The following ZDHHC2 variants were observed in gnomAD, a reference collection of about 807,000 sequenced individuals.
The protein encoded by ZDHHC2 is palmitoyltransferase ZDHHC2.
In ZDHHC2, 51 loss-of-function variants were observed where a neutral mutation model predicts 55.6. The ratio of observed to expected loss-of-function variants is 0.92; its 90% CI spans 0.73 to 1.16. The LOEUF (loss-of-function observed/expected upper bound fraction) is 1.16, where lower values mean the gene tolerates loss of function less well. ZDHHC2 is among the 50% of genes most tolerant of loss of function. ZDHHC2 has a pLI of 0.00. For synonymous variants in ZDHHC2, 199 were observed against 152.9 expected, an observed-to-expected ratio of 1.30 and a Z score of -2.22; for missense variants, 491 against 442.4, an observed-to-expected ratio of 1.11 and a Z score of -0.99.
chr8:17,176,301 G>A (rs1805128577), intron 1 of ZDHHC2, among the ~76,000 whole-genome samples: 1 of 152,082 alleles, frequency 6.6e-6, no homozygotes, highest in Admixed American at 6.5e-5. Context: ...TGAAAACCCT[G>A]TGTTTGGAAT....
intron 1 of ZDHHC2, among the ~76,000 whole-genome samples, chr8:17,170,555 G>A (rs1804810019): frequency 6.6e-6 from 1 of 152,142 alleles, no homozygotes; most frequent in African/African-American, 2.4e-5. Flanking sequence ...TGGTCATATA[G>A]TACTCAACAT....
chr8:17,166,229 C>T (rs769305115), intron 1 of ZDHHC2, among the ~76,000 whole-genome samples: 4 of 152,100 alleles, frequency 2.6e-5, no homozygotes, highest in South Asian at 2.1e-4. Flanking sequence ...GAAACCGTGG[C>T]GTGGGCACTG....
At position 17,221,987 on chromosome 8, in the gene ZDHHC2, T is replaced by G. The variant is rs1464323813; in HGVS notation, c.*1766T>G. The G allele has an allele frequency of 4.7e-5, 7 of 150,112 alleles. No individual in the cohort carries two copies. The highest frequency in any genetic ancestry group is 2.0e-4 in the Admixed American group (3 of 15,026). 9.3% of individuals were successfully genotyped at this position (150,112 alleles called of 1,614,324 possible). The stretch of plus-strand genomic sequence containing the variant: ...TTATATGAAGTCAGGTTTGTTTTTT[T>G]TTTTTTTTTTTTTTCAAAGCACAGT... On this transcript the variant is annotated 3_prime_UTR_variant, in exon 13 of 13. Coordinates refer to ENST00000262096, the MANE Select transcript of ZDHHC2 (RefSeq NM_016353.5).
At chr8:17,184,371 CT>C (rs1373432223) in intron 1 of ZDHHC2, among the ~76,000 whole-genome samples, 3 of 152,204 alleles carry the variant, frequency 2.0e-5, no homozygotes, top group African/African-American at 7.2e-5. Context: ...ACATTTTATT[CT>C]TTGTGGAAAG....
Position 17,208,028 on chromosome 8 carries a change from T to C in ZDHHC2, c.666T>C (p.Ser222=). ...TATTCTTTGCTGCAGCTATGTTTTC[T>C]GTCAGCTTGTCTTCTCTGTTTGGCT... ...MFLFFAAAMF[S]VSLSSLFGYH... The change falls in exon 8 of 13, where the codon TCT becomes TCC. Residue 222 remains serine, a synonymous_variant. Transcript: ENST00000262096. 6.3e-7 allele frequency: 1 copy of C among 1,595,160 alleles called. No homozygotes were observed. Among genetic ancestry groups the C allele is most frequent in the Non-Finnish European group, 8.5e-7 (1 of 1,169,656 alleles).
chr8:17,210,356 G>T, intron 9 of ZDHHC2, 32 bp from the exon 10 acceptor site: 1 of 1,591,518 alleles, frequency 6.3e-7, no homozygotes. Context: ...TCTTTTGTAT[G>T]GTTCAGTTCT....
chr8:17,195,428 T>C, intron 3 of ZDHHC2, 76 bp from the exon 4 acceptor site: 1 of 1,457,210 alleles, frequency 6.9e-7, no homozygotes, highest in Admixed American at 2.2e-5. Context: ...AATACCCTTT[T>C]CCGGGTATGG....
At chr8:17,200,913 C>G (rs762789430) in intron 6 of ZDHHC2, among the ~76,000 whole-genome samples, 1 of 152,154 alleles carries the variant, frequency 6.6e-6, no homozygotes, top group Admixed American at 6.5e-5. Context: ...ACTTCCCTTG[C>G]GGCATCCACT....
intron 6 of ZDHHC2, among the ~76,000 whole-genome samples, chr8:17,204,992 A>G (rs2959618): frequency 0.51 from 77,309 of 151,936 alleles, 23,546 homozygotes; most frequent in Non-Finnish European, 0.7. Flanking sequence ...ATTTGGAATT[A>G]TAGCATATTT....
intron 1 of ZDHHC2, among the ~76,000 whole-genome samples, chr8:17,182,711 G>C (rs1426236965): frequency 6.6e-6 from 1 of 152,104 alleles, no homozygotes; most frequent in Non-Finnish European, 1.5e-5. Flanking sequence ...CAGGCTTATA[G>C]AGTAGTGGTC....
At chr8:17,214,915 A>G (rs1807572313) in intron 10 of ZDHHC2, among the ~76,000 whole-genome samples, 1 of 152,152 alleles carries the variant, frequency 6.6e-6, no homozygotes, top group Non-Finnish European at 1.5e-5. Flanking sequence ...CATACATAAA[A>G]TTGATAATAA....
chr8:17,157,474 G>T (rs1299705600), intron 1 of ZDHHC2: 1 of 152,252 alleles, frequency 6.6e-6, no homozygotes, highest in Non-Finnish European at 1.5e-5. Context: ...CATAATTTAG[G>T]TGTTTGAACA....
At chr8:17,165,924 G>A (rs1467049266) in intron 1 of ZDHHC2, among the ~76,000 whole-genome samples, 1 of 152,216 alleles carries the variant, frequency 6.6e-6, no homozygotes, top group African/African-American at 2.4e-5. Context: ...CACAGAGGCA[G>A]GGGTCAGCCC....
intron 1 of ZDHHC2, among the ~76,000 whole-genome samples, chr8:17,183,957 A>G (rs1182838382): frequency 1.3e-5 from 2 of 152,122 alleles, no homozygotes; most frequent in African/African-American, 2.4e-5. Context: ...AAGGCAGCGC[A>G]TTTCATTCCA....
At chr8:17,209,559 T>C (rs531845150) in intron 8 of ZDHHC2, among the ~76,000 whole-genome samples, 1 of 152,176 alleles carries the variant, frequency 6.6e-6, no homozygotes, top group Non-Finnish European at 1.5e-5. Context: ...GATTGTGGTT[T>C]TCTTAAAAAA....
chr8:17,194,009 C>T (rs754231756), intron 3 of ZDHHC2, among the ~76,000 whole-genome samples: 23 of 152,104 alleles, frequency 1.5e-4, no homozygotes, highest in Admixed American at 5.9e-4. Context: ...TGAGTGAGAA[C>T]GTGCAGTGTT....
chr8:17,200,142 G>A (rs1806673531), intron 6 of ZDHHC2, among the ~76,000 whole-genome samples: 1 of 152,098 alleles, frequency 6.6e-6, no homozygotes, highest in Non-Finnish European at 1.5e-5. Context: ...TGACCCACCT[G>A]CTGAATTCAT....
intron 11 of ZDHHC2, among the ~76,000 whole-genome samples, chr8:17,216,270 T>C (rs574857398): frequency 6.6e-6 from 1 of 152,162 alleles, no homozygotes; most frequent in Non-Finnish European, 1.5e-5. Context: ...CTCTGGGATT[T>C]AGTGGTAGCG....
At chr8:17,199,585 C>CTTCTTTA (rs1554466180) in intron 6 of ZDHHC2, among the ~76,000 whole-genome samples, 2,625 of 66,262 alleles carry the variant, frequency 0.04, 171 homozygotes, top group Non-Finnish European at 0.074. Context: ...TCTTCTTCTT[C>CTTCTTTA]TTCTTTCTTC....
Sources: gnomAD v4.1 joint callset for allele counts (sites outside exome capture counted in the v4.1 genomes callset) on GRCh38, gnomAD v4.1.1 for gene constraint, MANE v1.5 for transcripts, NCBI Gene and HGNC (gene_info 2026-07-23, HGNC 2026-07-21) for gene names.